The following BICC1 variants were observed in gnomAD, a reference collection of about 807,000 sequenced individuals.
The protein encoded by BICC1 is protein bicaudal C homolog 1.
BICC1 carries 43 observed loss-of-function variants against 111.0 expected under a neutral mutation model. The observed-to-expected ratio is 0.39, with a 90% CI of 0.30 to 0.50. The LOEUF is 0.50. BICC1 is among the 20% of genes least tolerant of loss of function. BICC1 has a pLI of 0.88. For synonymous variants in BICC1, 467 were observed against 434.4 expected, an observed-to-expected ratio of 1.07 and a Z score of -0.93; for missense variants, 1,091 against 1,203.2, an observed-to-expected ratio of 0.91 and a Z score of 1.38.
At chr10:58,779,702 G>A (rs950152529) in intron 3 of BICC1, among the ~76,000 whole-genome samples, 1 of 152,098 alleles carries the variant, frequency 6.6e-6, no homozygotes, top group South Asian at 2.1e-4. Context: ...GCTAAATTGC[G>A]ATTAACTGTA....
chr10:58,792,341 C>T (rs935400515), intron 8 of BICC1, among the ~76,000 whole-genome samples: 1 of 151,950 alleles, frequency 6.6e-6, no homozygotes, highest in Non-Finnish European at 1.5e-5. Context: ...AAGGTTTAAA[C>T]TGCATTAGGT....
intron 1 of BICC1, among the ~76,000 whole-genome samples, chr10:58,597,919 G>A (rs775258354): frequency 2.0e-5 from 3 of 151,932 alleles, no homozygotes; most frequent in Non-Finnish European, 4.4e-5. Flanking sequence ...ATTTCATATT[G>A]TTCAAACACA....
At chr10:58,526,368 C>T (rs772502820) in intron 1 of BICC1, among the ~76,000 whole-genome samples, 6 of 151,786 alleles carry the variant, frequency 4.0e-5, no homozygotes, top group Non-Finnish European at 8.8e-5. Context: ...ACCACCCTCC[C>T]GAATAGGTTA....
At chr10:58,526,719 G>T (rs1374279516) in intron 1 of BICC1, among the ~76,000 whole-genome samples, 1 of 152,106 alleles carries the variant, frequency 6.6e-6, no homozygotes, top group African/African-American at 2.4e-5. Context: ...GAGAATGATG[G>T]TTTCCCGCTT....
intron 14 of BICC1, among the ~76,000 whole-genome samples, chr10:58,802,255 C>A (rs1478465253): frequency 6.6e-6 from 1 of 152,130 alleles, no homozygotes; most frequent in Non-Finnish European, 1.5e-5. Context: ...CTTTGTGTAG[C>A]CTCTGTCAAC....
At chr10:58,792,064 T>C (rs1843197154) in intron 8 of BICC1, among the ~76,000 whole-genome samples, 1 of 152,180 alleles carries the variant, frequency 6.6e-6, no homozygotes, top group Non-Finnish European at 1.5e-5. Flanking sequence ...AGTGCTGGGA[T>C]TACAGGCATG....
At chr10:58,621,949 TAGAA>T (rs1845827405) in intron 2 of BICC1, among the ~76,000 whole-genome samples, 2 of 71,752 alleles carry the variant, frequency 2.8e-5, no homozygotes, top group Admixed American at 1.4e-4. Context: ...TAGAATAGAA[TAGAA>T]TAGAATAGAA....
At chr10:58,576,947 A>T (rs201915425) in intron 1 of BICC1, among the ~76,000 whole-genome samples, 1 of 152,110 alleles carries the variant, frequency 6.6e-6, no homozygotes, top group Non-Finnish European at 1.5e-5. Flanking sequence ...AGACTTGTGG[A>T]TGAGGGGAGG....
chr10:58,576,289 G>A (rs1844109909), intron 1 of BICC1, among the ~76,000 whole-genome samples: 1 of 152,184 alleles, frequency 6.6e-6, no homozygotes, highest in Non-Finnish European at 1.5e-5. Context: ...GTTAATACAA[G>A]TGAATAGTGA....
chr10:58,615,897 A>T (rs2132121467), intron 1 of BICC1, among the ~76,000 whole-genome samples: 1 of 152,282 alleles, frequency 6.6e-6, no homozygotes, highest in East Asian at 1.9e-4. Context: ...CAAAGCCCTG[A>T]GAAGGAGTGA....
chr10:58,769,352 A>C (rs1358544145), intron 3 of BICC1, among the ~76,000 whole-genome samples: 2 of 142,102 alleles, frequency 1.4e-5, no homozygotes, highest in Non-Finnish European at 3.1e-5. Context: ...AGATATGTTG[A>C]TTGTGGTAAT....
chr10:58,754,760 A>ATG (rs149325160), intron 3 of BICC1, among the ~76,000 whole-genome samples: 12,351 of 148,524 alleles, frequency 0.083, 981 homozygotes, highest in African/African-American at 0.22. Flanking sequence ...GGGGGTGTGT[A>ATG]TGTGTGTGTG....
intron 3 of BICC1, chr10:58,715,861 A>T (rs1374475830): frequency 1.7e-6 from 2 of 1,208,074 alleles, no homozygotes; most frequent in Admixed American, 4.0e-5. Context: ...GAAATCTGAT[A>T]GGTATTCATC....
intron 1 of BICC1, among the ~76,000 whole-genome samples, chr10:58,609,199 A>T (rs1402911026): frequency 6.6e-6 from 1 of 152,172 alleles, no homozygotes; most frequent in African/African-American, 2.4e-5. Context: ...TTAATGTTAC[A>T]TATTTTATTC....
chr10:58,560,364 C>T lies in BICC1; in HGVS notation c.190+47031C>T, dbSNP rs549705693. 1.6e-4 allele frequency among the ~76,000 whole-genome samples: 24 copies of T among 152,052 alleles called. 1 individual carries two copies. Among genetic ancestry groups the T allele is most frequent in the African/African-American group, 5.3e-4 (22 of 41,532 alleles). Reference sequence around the variant, plus strand: ...TTTGTTAACATAAAGTTGTTCATAACAAGCGCTGATCTTTTGTATTTCTGT... The same window carrying T: ...TTTGTTAACATAAAGTTGTTCATAATAAGCGCTGATCTTTTGTATTTCTGT... On this transcript the variant is annotated intron_variant, in intron 1 of 20. Coordinates refer to ENST00000373886, the MANE Select transcript of BICC1 (RefSeq NM_001080512.3).
intron 2 of BICC1, among the ~76,000 whole-genome samples, chr10:58,642,692 TA>T: frequency 1.5e-3 from 1 of 680 alleles, no homozygotes; most frequent in South Asian, 0.045. Flanking sequence ...TTATTATTAT[TA>T]TTATTATTAT....
intron 1 of BICC1, among the ~76,000 whole-genome samples, chr10:58,586,403 A>G (rs901178648): frequency 6.6e-6 from 1 of 152,080 alleles, no homozygotes; most frequent in African/African-American, 2.4e-5. Flanking sequence ...ATATTTGCTG[A>G]GTACTTTCTC....
At chr10:58,706,782 C>T (rs1840398457) in intron 3 of BICC1, among the ~76,000 whole-genome samples, 1 of 152,178 alleles carries the variant, frequency 6.6e-6, no homozygotes, top group African/African-American at 2.4e-5. Flanking sequence ...TTGTAAGTTT[C>T]CTGAGGCCTC....
In BICC1 at chr10:58,796,395, A is replaced by G. The variant is rs758996120; in HGVS notation, c.1235A>G (p.Lys412Arg). The G allele has an allele frequency of 6.2e-7, 1 of 1,614,080 alleles. No individual in the cohort carries two copies. Reference sequence around the variant, plus strand: ...GCCTTAAATATGTATGAAGCAAGGAAATGTCTCCTCGGACTTGAAAGCAGT... The same window carrying G: ...GCCTTAAATATGTATGAAGCAAGGAGATGTCTCCTCGGACTTGAAAGCAGT... ...RNALNMYEAR[K>R]CLLGLESSGV... Residue 412 changes from lysine to arginine, a missense_variant, in exon 10 of 21, where the codon AAA (lysine) becomes AGA (arginine). This residue lies in a region of BICC1 where 843 missense variants were observed against 900.8 expected (regional missense o/e 0.94). Transcript: ENST00000373886.
Sources: gnomAD v4.1 joint callset for allele counts (sites outside exome capture counted in the v4.1 genomes callset) on GRCh38, gnomAD v4.1.1 for gene constraint, gnomAD v4.1.1 regional missense constraint, MANE v1.5 for transcripts, NCBI Gene and HGNC (gene_info 2026-07-23, HGNC 2026-07-21) for gene names.